WDR70: variants seen among roughly 807,000 people sequenced by gnomAD.
The protein encoded by WDR70 is WD repeat domain 70.
Under a neutral mutation model 88.6 loss-of-function variants are expected in WDR70, and 53 were observed. The observed-to-expected ratio is 0.60, with a 90% CI of 0.48 to 0.75. The LOEUF is 0.75. WDR70 is among the 30% of genes least tolerant of loss of function. WDR70 has a pLI of 0.00. For missense variants in WDR70, 610 were observed against 823.2 expected (o/e 0.74, Z 3.17); for synonymous variants, 280 against 270.0 (o/e 1.04, Z -0.36).
chr5:37,621,240 T>C (rs1036800447), intron 10 of WDR70, among the ~76,000 whole-genome samples: 4 of 152,210 alleles, frequency 2.6e-5, no homozygotes, highest in Admixed American at 6.5e-5. Flanking sequence ...TCTTGTCATA[T>C]GTATACATCA....
intron 9 of WDR70, among the ~76,000 whole-genome samples, chr5:37,562,334 TGA>T (rs1409084302): frequency 2.6e-5 from 4 of 151,924 alleles, no homozygotes; most frequent in Non-Finnish European, 2.9e-5. Context: ...CCAGCCTGGC[TGA>T]CAGAGTGAGA....
chr5:37,667,833 C>T (rs1745904059), intron 10 of WDR70, among the ~76,000 whole-genome samples: 1 of 111,042 alleles, frequency 9.0e-6, no homozygotes, highest in South Asian at 3.1e-4. Flanking sequence ...CCATGCTAGT[C>T]TGTACGATCT....
chr5:37,736,963 G>A (rs1748322536), intron 17 of WDR70, among the ~76,000 whole-genome samples: 1 of 152,018 alleles, frequency 6.6e-6, no homozygotes, highest in Non-Finnish European at 1.5e-5. Flanking sequence ...AATTCATAGT[G>A]AAGAAATATT....
intron 9 of WDR70, among the ~76,000 whole-genome samples, chr5:37,578,170 T>C (rs1743113128): frequency 6.6e-6 from 1 of 151,932 alleles, no homozygotes; most frequent in Non-Finnish European, 1.5e-5. Flanking sequence ...GCATAGAAAA[T>C]GTGAAAGAAG....
intron 10 of WDR70, among the ~76,000 whole-genome samples, chr5:37,619,042 A>G (rs975522162): frequency 3.3e-5 from 5 of 152,186 alleles, no homozygotes; most frequent in Admixed American, 3.3e-4. Context: ...TCAGGCAATG[A>G]TATAAAATAG....
intron 5 of WDR70, among the ~76,000 whole-genome samples, chr5:37,413,658 G>C (rs371678983): frequency 4.7e-5 from 7 of 148,892 alleles, no homozygotes; most frequent in African/African-American, 1.7e-4. Context: ...GGAGGCGGAG[G>C]TTGCAGTGAG....
intron 17 of WDR70, among the ~76,000 whole-genome samples, chr5:37,743,628 A>G (rs1033802877): frequency 6.6e-6 from 1 of 152,168 alleles, no homozygotes; most frequent in Non-Finnish European, 1.5e-5. Context: ...TTGTCCCCAC[A>G]GCCCAACACA....
rs187619317 is a variant in WDR70, at chr5:37,676,367, G to T, written c.1093-21288G>T. 5.6e-3 allele frequency among the ~76,000 whole-genome samples: 848 copies of T among 152,182 alleles called. 14 individuals carry two copies. Among genetic ancestry groups the T allele is most frequent in the African/African-American group, 0.02 (810 of 41,458 alleles). On this transcript the variant is annotated intron_variant, in intron 10 of 17. Coordinates refer to ENST00000265107, the MANE Select transcript of WDR70 (RefSeq NM_018034.4). ...GTCCATTCAGGATGATATTGGCTGT[G>T]GGTTTGTCATAGATAGCTCTTATTA...
intron 9 of WDR70, among the ~76,000 whole-genome samples, chr5:37,561,041 C>T (rs1468116446): frequency 3.3e-5 from 5 of 151,752 alleles, no homozygotes. Flanking sequence ...CTATGACTGG[C>T]AGGTTCATGT....
At chr5:37,602,341 GCT>G in intron 9 of WDR70, among the ~76,000 whole-genome samples, 1 of 152,110 alleles carries the variant, frequency 6.6e-6, no homozygotes, top group East Asian at 1.9e-4. Flanking sequence ...AGGTGTGGTG[GCT>G]CACGCCTGTA....
chr5:37,665,996 T>A (rs1745830671), intron 10 of WDR70, among the ~76,000 whole-genome samples: 1 of 152,128 alleles, frequency 6.6e-6, no homozygotes, highest in Admixed American at 6.5e-5. Context: ...AGAGAGTGGC[T>A]AAATCTGCCC....
At chr5:37,555,390 T>C (rs1271705569) in intron 9 of WDR70, among the ~76,000 whole-genome samples, 1 of 152,220 alleles carries the variant, frequency 6.6e-6, no homozygotes. Flanking sequence ...TGAATGAATT[T>C]CTTAAGGTTA....
intron 9 of WDR70, among the ~76,000 whole-genome samples, chr5:37,518,935 C>T (rs1401985457): frequency 6.6e-6 from 1 of 152,190 alleles, no homozygotes; most frequent in Non-Finnish European, 1.5e-5. Context: ...CAAAGCATAT[C>T]TTGCACCACC....
intron 9 of WDR70, among the ~76,000 whole-genome samples, chr5:37,557,638 A>G (rs1742331571): frequency 6.6e-6 from 1 of 151,932 alleles, no homozygotes; most frequent in Non-Finnish European, 1.5e-5. Context: ...GGTACTATAG[A>G]CTTAGTGGTA....
At chr5:37,581,821 T>C (rs532856185) in intron 9 of WDR70, among the ~76,000 whole-genome samples, 122 of 152,278 alleles carry the variant, frequency 8.0e-4, no homozygotes, top group African/African-American at 2.8e-3. Flanking sequence ...GGCAAAGCTA[T>C]CAGAATTTCG....
intron 7 of WDR70, among the ~76,000 whole-genome samples, chr5:37,448,897 CT>C (rs1454733092): frequency 6.6e-6 from 1 of 152,140 alleles, no homozygotes; most frequent in African/African-American, 2.4e-5. Flanking sequence ...TCTCAATTTG[CT>C]TTTGTCTGAT....
At chr5:37,696,267 A>C (rs1746978169) in intron 10 of WDR70, among the ~76,000 whole-genome samples, 1 of 152,218 alleles carries the variant, frequency 6.6e-6, no homozygotes, top group African/African-American at 2.4e-5. Flanking sequence ...TAAAATTCCA[A>C]GACTGTTACC....
At chr5:37,723,490 A>G (rs1747885612) in intron 15 of WDR70, 1 of 152,486 alleles carries the variant, frequency 6.6e-6, no homozygotes, top group African/African-American at 2.4e-5. Flanking sequence ...ATGTCACACA[A>G]CCTCATTAAT....
intron 5 of WDR70, among the ~76,000 whole-genome samples, chr5:37,400,118 G>A (rs139798819): frequency 0.046 from 6,931 of 152,008 alleles, 551 homozygotes; most frequent in African/African-American, 0.16. Flanking sequence ...ATTTTTAGTA[G>A]TGATGGGGTT....
Sources: allele counts gnomAD v4.1 joint callset (sites outside exome capture counted in the v4.1 genomes callset), GRCh38; gene constraint gnomAD v4.1.1; transcripts MANE v1.5; gene names NCBI Gene and HGNC (gene_info 2026-07-23, HGNC 2026-07-21).